The following PHKB variants were observed in gnomAD, a reference collection of about 807,000 sequenced individuals.
PHKB encodes the protein phosphorylase kinase regulatory subunit beta, also known as phosphorylase b kinase regulatory subunit beta.
A neutral mutation model predicts 152.1 loss-of-function variants in PHKB; 122 were observed. That is an observed-to-expected ratio of 0.80 (90% CI 0.69 to 0.93). The LOEUF (loss-of-function observed/expected upper bound fraction) is 0.93. Ranked by LOEUF, PHKB falls within the 40% of genes least tolerant of loss-of-function variation. PHKB has a pLI of 0.00. For synonymous variants in PHKB, 436 were observed against 464.9 expected (o/e 0.94, Z 0.80); for missense variants, 1,304 against 1,328.4 (o/e 0.98, Z 0.29).
intron 6 of PHKB, among the ~76,000 whole-genome samples, chr16:47,517,693 T>A (rs1435155796): frequency 2.0e-5 from 3 of 152,250 alleles, no homozygotes; most frequent in African/African-American, 4.8e-5. Flanking sequence ...TCCATTTGGT[T>A]TTATATGGCT....
intron 1 of PHKB, among the ~76,000 whole-genome samples, chr16:47,480,642 C>CTGTA (rs1969948296): frequency 6.6e-6 from 1 of 152,148 alleles, no homozygotes; most frequent in East Asian, 1.9e-4. Flanking sequence ...GTTTCATTTG[C>CTGTA]TGTAGTATAA....
Position 47,660,746 on chromosome 16 carries a change from T to C in PHKB, c.2123T>C (p.Leu708Pro), listed in dbSNP as rs781024049. ...RQSSTPSAPE[L>P]GQQPDVNISE... ...AGCAGCACCCCTAGTGCTCCTGAAC[T>C]GGGACAGCAGCCGGATGTCAACATT... is the stretch of plus-strand genomic sequence containing the variant. The change falls in exon 22 of 31, where the codon CTG becomes CCG. Residue 708 changes from leucine to proline, a missense_variant. Physicochemically the swap from Leu to Pro is moderately conservative, Grantham distance 98. Transcript: ENST00000323584. 6.2e-7 allele frequency: 1 copy of C among 1,614,144 alleles called. No homozygotes were observed. Among genetic ancestry groups the C allele is most frequent in the South Asian group, 1.1e-5 (1 of 91,078 alleles).
chr16:47,627,364 TAA>T (rs1972729293), intron 14 of PHKB, among the ~76,000 whole-genome samples: 1 of 152,228 alleles, frequency 6.6e-6, no homozygotes, highest in Non-Finnish European at 1.5e-5. Flanking sequence ...GTCATTTCCT[TAA>T]GATAAAAATA....
chr16:47,515,751 A>G, intron 6 of PHKB, 150 bp downstream of exon 6: 1 of 643,160 alleles, frequency 1.6e-6, no homozygotes, highest in Non-Finnish European at 2.7e-6. Flanking sequence ...TGTTGAATGA[A>G]AAAGTCTTTA....
At chr16:47,463,995 T>C in intron 1 of PHKB, 1 of 1,592,800 alleles carries the variant, frequency 6.3e-7, no homozygotes. Context: ...TAAGGTCTGG[T>C]AAGTGTTGTA....
intron 14 of PHKB, among the ~76,000 whole-genome samples, chr16:47,622,630 A>C (rs1972636886): frequency 1.3e-5 from 2 of 152,326 alleles, no homozygotes; most frequent in Admixed American, 1.3e-4. Flanking sequence ...CCAAGCTTTG[A>C]ATCTGTGAAG....
chr16:47,636,522 C>G (rs553608563), intron 14 of PHKB, among the ~76,000 whole-genome samples: 1 of 152,334 alleles, frequency 6.6e-6, no homozygotes, highest in African/African-American at 2.4e-5. Flanking sequence ...CCCACAGGTT[C>G]AGAAGTGCCT....
At position 47,499,813 on chromosome 16, in the gene PHKB, CAT is replaced by C; in HGVS notation, c.225_226del (p.Cys76ArgfsTer3). 6.2e-7 allele frequency: 1 copy of C among 1,614,194 alleles called. No individual in the cohort carries two copies. The highest frequency in any genetic ancestry group is 8.5e-7 in the Non-Finnish European group (1 of 1,180,032). On this transcript the variant is annotated frameshift_variant, in exon 3 of 31. Transcript: ENST00000323584. LOFTEE classifies it high-confidence loss of function. The stretch of plus-strand genomic sequence containing the variant: ...ACTACCGGTCTCTTTCCCACTAAAA[CAT>C]GCGGTGGTGACCAGAAGGCCAAGAT...
chr16:47,552,205 C>G (rs1278449045), intron 7 of PHKB, among the ~76,000 whole-genome samples: 1 of 152,140 alleles, frequency 6.6e-6, no homozygotes, highest in African/African-American at 2.4e-5. Context: ...GGCATTTAGC[C>G]CATTTACATT....
At position 47,580,285 on chromosome 16, in the gene PHKB, T is replaced by C; in HGVS notation, c.711-10T>C. ...ATTAGAGTAATAAAGCATTTCCTTTTCTCTTTTAGCTCGGTTGGTTTAGCA... is the reference window on the plus strand; with the variant it reads ...ATTAGAGTAATAAAGCATTTCCTTTCCTCTTTTAGCTCGGTTGGTTTAGCA... On this transcript the variant is annotated splice_polypyrimidine_tract_variant and intron_variant, in intron 7 of 30. Coordinates refer to ENST00000323584, the MANE Select transcript of PHKB (RefSeq NM_000293.3). 12 of 1,608,480 alleles carry C rather than the reference T, an allele frequency of 7.5e-6. No homozygotes were observed. The highest frequency in any genetic ancestry group is 2.6e-6 in the Non-Finnish European group (3 of 1,175,108).
chr16:47,508,867 T>A (rs932746580), intron 4 of PHKB, among the ~76,000 whole-genome samples: 6 of 152,214 alleles, frequency 3.9e-5, no homozygotes, highest in East Asian at 3.8e-4. Context: ...CTTTGGACCT[T>A]ATTTTTTTCT....
chr16:47,551,111 T>C (rs560125806), intron 7 of PHKB, among the ~76,000 whole-genome samples: 3 of 152,350 alleles, frequency 2.0e-5, no homozygotes, highest in Admixed American at 6.5e-5. Flanking sequence ...CTCTCTTTTC[T>C]TCTTTATTAG....
intron 4 of PHKB, among the ~76,000 whole-genome samples, chr16:47,509,301 G>A: frequency 6.6e-6 from 1 of 152,162 alleles, no homozygotes; most frequent in East Asian, 1.9e-4. Flanking sequence ...ATTAACACCA[G>A]ATGGCTTTGT....
intron 14 of PHKB, among the ~76,000 whole-genome samples, chr16:47,619,838 T>C (rs1355641839): frequency 6.6e-6 from 1 of 152,178 alleles, no homozygotes; most frequent in Non-Finnish European, 1.5e-5. Flanking sequence ...ATGCATTTTA[T>C]TGATTTATTG....
At chr16:47,534,145 C>T (rs1970911624) in intron 6 of PHKB, among the ~76,000 whole-genome samples, 1 of 152,240 alleles carries the variant, frequency 6.6e-6, no homozygotes, top group African/African-American at 2.4e-5. Flanking sequence ...AGCATGCAGC[C>T]CGGGTGTACC....
intron 16 of PHKB, among the ~76,000 whole-genome samples, chr16:47,647,904 A>G (rs1461286145): frequency 6.6e-6 from 1 of 152,232 alleles, no homozygotes; most frequent in Non-Finnish European, 1.5e-5. Flanking sequence ...TGACCTGTGT[A>G]TAATATGAGT....
chr16:47,569,142 T>G (rs1433786311), intron 7 of PHKB, among the ~76,000 whole-genome samples: 1 of 152,212 alleles, frequency 6.6e-6, no homozygotes, highest in East Asian at 1.9e-4. Flanking sequence ...TATTATTGTC[T>G]TGCTGTCTAC....
intron 13 of PHKB, among the ~76,000 whole-genome samples, chr16:47,606,457 A>G (rs1972325799): frequency 2.0e-5 from 3 of 152,256 alleles, no homozygotes; most frequent in Admixed American, 1.3e-4. Flanking sequence ...TGATCAGTGT[A>G]GAGCCAAAGA....
intron 8 of PHKB, among the ~76,000 whole-genome samples, chr16:47,586,847 G>C (rs1442227128): frequency 6.6e-6 from 1 of 151,816 alleles, no homozygotes; most frequent in Non-Finnish European, 1.5e-5. Context: ...TTTTAACCTG[G>C]TTAGCAGATA....
Sources: allele counts gnomAD v4.1 joint callset (sites outside exome capture counted in the v4.1 genomes callset), GRCh38; gene constraint gnomAD v4.1.1; transcripts MANE v1.5; gene names NCBI Gene and HGNC (gene_info 2026-07-23, HGNC 2026-07-21).